NEMP2: variants seen among roughly 807,000 people sequenced by gnomAD.
NEMP2 encodes UPF0571 transmembrane protein.
Under a neutral mutation model 54.2 loss-of-function variants are expected in NEMP2, and 53 were observed. The ratio of observed to expected loss-of-function variants is 0.98; its 90% CI spans 0.78 to 1.23. The LOEUF is 1.23. NEMP2 is among the 50% of genes most tolerant of loss of function. The pLI, the probability that NEMP2 is intolerant of heterozygous loss-of-function variation, is 0.00. For synonymous variants in NEMP2, 197 were observed against 190.3 expected, an observed-to-expected ratio of 1.04 and a Z score of -0.29; for missense variants, 455 against 511.3, an observed-to-expected ratio of 0.89 and a Z score of 1.06.
chr2:190,615,676 CT>C, the NEMP2 span, among the ~76,000 whole-genome samples: 1 of 152,194 alleles, frequency 6.6e-6, no homozygotes, highest in Non-Finnish European at 1.5e-5. The surrounding 1 kb of genome is among the most constrained non-coding windows in gnomAD (Gnocchi z 4.7). Flanking sequence ...ATTTCCAAAC[CT>C]GTAATCACTA....
chr2:190,578,491 G>A, the NEMP2 span, among the ~76,000 whole-genome samples: 1 of 152,192 alleles, frequency 6.6e-6, no homozygotes, highest in African/African-American at 2.4e-5. The surrounding 1 kb of genome is among the most constrained non-coding windows in gnomAD (Gnocchi z 4.4). Context: ...CAGGTGGGCC[G>A]GGATGAGGTG....
chr2:190,639,471 C>CA, the NEMP2 span, among the ~76,000 whole-genome samples: 1 of 104,878 alleles, frequency 9.5e-6, no homozygotes, highest in South Asian at 2.6e-4. Flanking sequence ...TTTTAGCTCG[C>CA]AGTTTTTGTT....
intron 1 of NEMP2, among the ~76,000 whole-genome samples, chr2:190,532,799 T>G (rs1691194729): frequency 6.6e-6 from 1 of 152,210 alleles, no homozygotes; most frequent in Admixed American, 6.5e-5. Context: ...CCTAGTCTAA[T>G]CCAGGGCTGC....
the NEMP2 span, among the ~76,000 whole-genome samples, chr2:190,618,278 T>C: frequency 6.6e-6 from 1 of 152,206 alleles, no homozygotes; most frequent in South Asian, 2.1e-4. Context: ...GTTCTTCCCC[T>C]TTGCCAGGTG....
chr2:190,637,733 G>A, the NEMP2 span, among the ~76,000 whole-genome samples: 5 of 152,172 alleles, frequency 3.3e-5, no homozygotes, highest in Admixed American at 2.0e-4. The surrounding 1 kb of genome is among the most constrained non-coding windows in gnomAD (Gnocchi z 4.5). Flanking sequence ...TTCTTTGTGT[G>A]ACTAAGAACA....
the NEMP2 span, among the ~76,000 whole-genome samples, chr2:190,491,341 A>C: frequency 6.6e-6 from 1 of 152,328 alleles, no homozygotes; most frequent in East Asian, 1.9e-4. This position sits in a 1 kb window ranked among gnomAD's most constrained non-coding sequence, Gnocchi z 4.2. Context: ...TTGCTCCAGA[A>C]CTACTGCAGG....
the NEMP2 span, among the ~76,000 whole-genome samples, chr2:190,606,541 G>A: frequency 1.9e-3 from 288 of 152,148 alleles, no homozygotes; most frequent in African/African-American, 5.8e-3. Context: ...GCAAAACCCC[G>A]TCTCTACTAA....
the NEMP2 span, among the ~76,000 whole-genome samples, chr2:190,477,671 C>T: frequency 2.6e-5 from 4 of 152,142 alleles, no homozygotes; most frequent in Non-Finnish European, 5.9e-5. Context: ...AAAATATATA[C>T]ATATATTAAC....
the NEMP2 span, among the ~76,000 whole-genome samples, chr2:190,611,268 C>T: frequency 1.3e-5 from 2 of 152,138 alleles, no homozygotes; most frequent in African/African-American, 4.8e-5. This position sits in a 1 kb window ranked among gnomAD's most constrained non-coding sequence, Gnocchi z 5.4. Context: ...CATACTTATA[C>T]AAATATAGCC....
chr2:190,490,235 A>C, the NEMP2 span, among the ~76,000 whole-genome samples: 1 of 151,590 alleles, frequency 6.6e-6, no homozygotes, highest in Non-Finnish European at 1.5e-5. The surrounding 1 kb of genome is among the most constrained non-coding windows in gnomAD (Gnocchi z 4.5). Context: ...GTGAGTGGTA[A>C]TCTTCTCTAT....
chr2:190,597,788 A>T, the NEMP2 span, among the ~76,000 whole-genome samples: 1 of 149,292 alleles, frequency 6.7e-6, no homozygotes, highest in Non-Finnish European at 1.5e-5. The surrounding 1 kb of genome is among the most constrained non-coding windows in gnomAD (Gnocchi z 4.7). Flanking sequence ...GCAAAGAATT[A>T]AAAAAAAAAC....
intron 1 of NEMP2, among the ~76,000 whole-genome samples, chr2:190,532,191 T>C (rs575313848): frequency 7.4e-4 from 113 of 152,366 alleles, no homozygotes; most frequent in Non-Finnish European, 1.4e-3. Flanking sequence ...CTATTTGTTT[T>C]TTGTAAATAC....
chr2:190,614,250 T>A, the NEMP2 span, among the ~76,000 whole-genome samples: 1 of 152,234 alleles, frequency 6.6e-6, no homozygotes, highest in East Asian at 1.9e-4. The surrounding 1 kb of genome is among the most constrained non-coding windows in gnomAD (Gnocchi z 5.7). Context: ...ATGTGGTGCT[T>A]TTACAGTGCA....
chr2:190,488,908 G>A, the NEMP2 span: 5 of 1,236,622 alleles, frequency 4.0e-6, no homozygotes, highest in Non-Finnish European at 5.5e-6. The surrounding 1 kb of genome is among the most constrained non-coding windows in gnomAD (Gnocchi z 6.4). Context: ...AATTATTACT[G>A]AAGATTGCCC....
the NEMP2 span, chr2:190,437,621 A>G: frequency 1.3e-6 from 2 of 1,530,150 alleles, no homozygotes; most frequent in East Asian, 4.5e-5. This position sits in a 1 kb window ranked among gnomAD's most constrained non-coding sequence, Gnocchi z 5.9. Context: ...TTTATGGTTT[A>G]TAGCTCCTTC....
chr2:190,645,255 T>C, the NEMP2 span, among the ~76,000 whole-genome samples: 2 of 152,026 alleles, frequency 1.3e-5, no homozygotes, highest in African/African-American at 4.8e-5. Context: ...GAATAATAAA[T>C]AAAAAAACAG....
the NEMP2 span, among the ~76,000 whole-genome samples, chr2:190,453,667 A>G: frequency 6.6e-6 from 1 of 152,222 alleles, no homozygotes; most frequent in Non-Finnish European, 1.5e-5. Context: ...TATCACTGAT[A>G]TTCTTTTAAT....
chr2:190,500,395 AG>A, downstream of NEMP2: 1 of 679,646 alleles, frequency 1.5e-6, no homozygotes, highest in Non-Finnish European at 2.4e-6. The surrounding 1 kb of genome is among the most constrained non-coding windows in gnomAD (Gnocchi z 5.3). Flanking sequence ...ACATATTGGC[AG>A]GAAAAGGTAA....
the NEMP2 span, among the ~76,000 whole-genome samples, chr2:190,461,692 CTT>C: frequency 1.3e-5 from 2 of 152,280 alleles, no homozygotes; most frequent in African/African-American, 2.4e-5. This position sits in a 1 kb window ranked among gnomAD's most constrained non-coding sequence, Gnocchi z 5.5. Flanking sequence ...CCTCACACCT[CTT>C]TTACCCACTC....
Sources: gnomAD v4.1 joint callset for allele counts (sites outside exome capture counted in the v4.1 genomes callset) on GRCh38, gnomAD v4.1.1 for gene constraint, Gnocchi (gnomAD v3.1) non-coding constraint, MANE v1.5 for transcripts, NCBI Gene and HGNC (gene_info 2026-07-23, HGNC 2026-07-21) for gene names.